SLA: variants seen among roughly 807,000 people sequenced by gnomAD.
SLA encodes src-like-adapter.
In SLA, 16 loss-of-function variants were observed where a neutral mutation model predicts 30.3. The ratio of observed to expected loss-of-function variants is 0.53; its 90% CI spans 0.36 to 0.80. The LOEUF (loss-of-function observed/expected upper bound fraction) is 0.80. Among genes scored for constraint, SLA ranks in the 30% least tolerant of loss-of-function variants. The probability of loss-of-function intolerance (pLI) is 0.01; values close to 1 mark genes in which losing one functional copy is unlikely to be tolerated. For missense variants in SLA, 310 were observed against 345.2 expected, an observed-to-expected ratio of 0.90 and a Z score of 0.81; for synonymous variants, 143 against 137.8, an observed-to-expected ratio of 1.04 and a Z score of -0.26.
chr8:133,096,211 G>C (rs1437201582), intron 1 of SLA: 1 of 1,614,224 alleles, frequency 6.2e-7, no homozygotes, highest in Non-Finnish European at 8.5e-7. Context: ...TGCAGCTCCT[G>C]GCCGTGAGTG....
Position 133,037,150 on chromosome 8 carries a change from T to C in SLA, c.*1374A>G, listed in dbSNP as rs1837252577. ...CAGACAGGGAGAGATACTGCAAGCA[T>C]GTTCCCCTCCTTCCCCAGGATCCCT... On this transcript the variant is annotated 3_prime_UTR_variant, in exon 9 of 9. Coordinates refer to ENST00000338087, the MANE Select transcript of SLA (RefSeq NM_001045556.3). 1 of 152,216 alleles carries C rather than the reference T, an allele frequency of 6.6e-6. No homozygotes were observed. 9.4% of individuals were successfully genotyped at this position (152,216 alleles called of 1,614,324 possible). A position where few individuals can be genotyped will look rare whatever the true frequency, so the allele number is the denominator to read the frequency against.
intron 1 of SLA, chr8:133,095,064 G>T (rs149678808): frequency 6.2e-7 from 1 of 1,613,684 alleles, no homozygotes. Flanking sequence ...CACTCTCCCC[G>T]GCCGCCGTCA....
chr8:133,052,510 G>T (rs1352728548), intron 3 of SLA, among the ~76,000 whole-genome samples: 1 of 152,192 alleles, frequency 6.6e-6, no homozygotes, highest in Non-Finnish European at 1.5e-5. Flanking sequence ...TCCTGCTGCA[G>T]ACCTTCCCCA....
chr8:133,065,054 T>C (rs1842860454), intron 2 of SLA, among the ~76,000 whole-genome samples: 1 of 152,186 alleles, frequency 6.6e-6, no homozygotes, highest in Non-Finnish European at 1.5e-5. Context: ...TGCTGCAAAG[T>C]GTGACAGCTA....
At chr8:133,084,895 A>G (rs1317941572) in intron 1 of SLA, among the ~76,000 whole-genome samples, 1 of 152,202 alleles carries the variant, frequency 6.6e-6, no homozygotes, top group Non-Finnish European at 1.5e-5. Flanking sequence ...TGGCACATAG[A>G]GGGTGGGTAG....
chr8:133,081,881 C>T (rs146098379), intron 1 of SLA, among the ~76,000 whole-genome samples: 38 of 152,296 alleles, frequency 2.5e-4, no homozygotes, highest in African/African-American at 5.5e-4. Flanking sequence ...CTGCCTCTGA[C>T]GGATTGTCAC....
In SLA at chr8:133,045,028, C is replaced by T; in HGVS notation, c.440G>A (p.Arg147Lys). 2 of 1,614,192 alleles carry T rather than the reference C, an allele frequency of 1.2e-6. No individual in the cohort carries two copies. The highest frequency in any genetic ancestry group is 1.7e-6 in the Non-Finnish European group (2 of 1,180,026). ...LPNNWYYISPRLTFQCLEDLV... is the reference protein window; with the variant it reads ...LPNNWYYISPKLTFQCLEDLV... ...GTCCTCCAGGCACTGGAAGGTGAGC[C>T]TCGGGGAAATGTAGTACCAGTTGTT... The change falls in exon 7 of 9, where the codon AGG becomes AAG. Residue 147 changes from arginine (R) to lysine (K), a missense_variant. Arg to Lys is a conservative substitution (Grantham distance 26). Coordinates refer to ENST00000338087, the MANE Select transcript of SLA (RefSeq NM_001045556.3).
Position 133,040,062 on chromosome 8 carries a change from C to T in SLA, c.553G>A (p.Val185Met), listed in dbSNP as rs759511867. ...GTGACAGGTGAGCTGGAGGCCCTCACTGCTGGGGCAGCCGTGCTTTGTGTC... is the reference window on the plus strand; with the variant it reads ...GTGACAGGTGAGCTGGAGGCCCTCATTGCTGGGGCAGCCGTGCTTTGTGTC... ...CLTQSTAAPA[V>M]RASSSPVTLR... is the part of the protein sequence containing the mutation. Residue 185 changes from valine to methionine, a missense_variant, in exon 8 of 9, where the codon GTG becomes ATG. Transcript: ENST00000338087. The T allele has an allele frequency of 1.3e-6, 2 of 1,555,280 alleles. No homozygotes were observed. The highest frequency in any genetic ancestry group is 2.0e-5 in the Admixed American group (1 of 51,210).
chr8:133,042,050 G>C (rs573948637), intron 7 of SLA, among the ~76,000 whole-genome samples: 1 of 151,882 alleles, frequency 6.6e-6, no homozygotes, highest in African/African-American at 2.4e-5. Context: ...GCCTCCCAAA[G>C]TGCTGGGATT....
At chr8:133,086,950 G>A (rs747791975) in intron 1 of SLA, among the ~76,000 whole-genome samples, 1 of 152,034 alleles carries the variant, frequency 6.6e-6, no homozygotes, top group Non-Finnish European at 1.5e-5. Flanking sequence ...TAGCATGCTG[G>A]CATTGAAAAC....
Position 133,074,974 on chromosome 8 carries a change from C to A in SLA, c.-162G>T. The A allele has an allele frequency of 1.0e-6, 1 of 985,430 alleles. No individual in the cohort carries two copies. Among genetic ancestry groups the A allele is most frequent in the Non-Finnish European group, 1.2e-6 (1 of 829,968 alleles). The allele number at this position is 985,430 out of a possible 1,614,324, so 61.0% of individuals were successfully genotyped here. ...AGAATAAACAGGCAGCCGGGCTTCT[C>A]GCGGTTGTGGAGAAGCAGCCCATGC... On this transcript the variant is annotated 5_prime_UTR_variant, in exon 2 of 9. Transcript: ENST00000338087.
At chr8:133,089,491 G>T (rs1166106891) in intron 1 of SLA, among the ~76,000 whole-genome samples, 1 of 152,124 alleles carries the variant, frequency 6.6e-6, no homozygotes, top group African/African-American at 2.4e-5. Flanking sequence ...ATTCCTCATT[G>T]CCCGTTGCCT....
intron 3 of SLA, among the ~76,000 whole-genome samples, chr8:133,054,539 G>A (rs542169205): frequency 6.6e-6 from 1 of 152,222 alleles, no homozygotes; most frequent in South Asian, 2.1e-4. Context: ...TGCATTTTAG[G>A]GCCTGCCTTA....
In SLA at chr8:133,047,893, G is replaced by A; in HGVS notation, c.289C>T (p.Leu97=). The change falls in exon 6 of 9, where the codon CTG becomes TTG. Residue 97 remains leucine, a synonymous_variant. Coordinates refer to ENST00000338087, the MANE Select transcript of SLA (RefSeq NM_001045556.3). ...EGLGRDKAEE[L]LQLPDTKVGS... ...ACCTTTGTGTCTGGCAGCTGCAGCA[G>A]CTCCTCGGCCTTGTCTCTGCCCAGG... 3 of 1,612,806 alleles carry A rather than the reference G, an allele frequency of 1.9e-6. No individual in the cohort carries two copies. Among genetic ancestry groups the A allele is most frequent in the Non-Finnish European group, 2.5e-6 (3 of 1,179,328 alleles).
At chr8:133,102,279 G>T (rs560304266) in intron 1 of SLA, 1 of 384,834 alleles carries the variant, frequency 2.6e-6, no homozygotes, top group Non-Finnish European at 4.7e-6. Context: ...TCATGCCAAC[G>T]CTGCATAAGT....
chr8:133,040,223 T>A, intron 7 of SLA, 93 bp from the exon 8 acceptor site: 1 of 1,372,740 alleles, frequency 7.3e-7, no homozygotes, highest in Non-Finnish European at 1.0e-6. Flanking sequence ...TGCAGCTCCC[T>A]GGCTGCTGCC....
rs1430502348 is a variant in SLA, at chr8:133,040,000, G to A, written c.615C>T (p.Ser205=). 1 of 1,550,114 alleles carries A rather than the reference G, an allele frequency of 6.5e-7. No homozygotes were observed. Among genetic ancestry groups the A allele is most frequent in the African/African-American group, 1.4e-5 (1 of 72,250 alleles). The change falls in exon 8 of 9, where the codon TCC becomes TCT. Residue 205 remains serine (S), a splice_region_variant and synonymous_variant. Transcript: ENST00000338087. ...ACACATACACACACCATACTCACCT[G>A]GACACTCTCCTCCAGTCCACAGTCT... is the stretch of plus-strand genomic sequence containing the variant. ...RQKTVDWRRV[S]RLQEDPEGTE...
intron 1 of SLA, among the ~76,000 whole-genome samples, chr8:133,076,349 G>A (rs905385951): frequency 6.6e-6 from 1 of 152,222 alleles, no homozygotes; most frequent in Non-Finnish European, 1.5e-5. Context: ...ACCTCACTTG[G>A]GGTAGTTTGC....
Position 133,048,164 on chromosome 8 carries a change from T to C in SLA, c.249-231A>G, listed in dbSNP as rs560693879. ...GATAGAGTTAAAATTAGAATGCATT[T>C]TTCTGGGACATCCAATTCCATAACC... On this transcript the variant is annotated intron_variant, in intron 5 of 8. Transcript: ENST00000338087. 7.8e-4 allele frequency among the ~76,000 whole-genome samples: 119 copies of C among 152,286 alleles called. 1 individual carries two copies. The highest frequency in any genetic ancestry group is 2.7e-3 in the African/African-American group (112 of 41,560).
Sources: gnomAD v4.1 joint callset for allele counts (sites outside exome capture counted in the v4.1 genomes callset) on GRCh38, gnomAD v4.1.1 for gene constraint, MANE v1.5 for transcripts, NCBI Gene and HGNC (gene_info 2026-07-23, HGNC 2026-07-21) for gene names.